The following RASSF8 variants were observed in gnomAD, a reference collection of about 807,000 sequenced individuals.
RASSF8 encodes the protein ras association domain-containing protein 8.
In RASSF8, 22 loss-of-function variants were observed where a neutral mutation model predicts 48.5. That is an observed-to-expected ratio of 0.45 (90% CI 0.32 to 0.65). The LOEUF (loss-of-function observed/expected upper bound fraction) is 0.65, where lower values mean the gene tolerates loss of function less well. Ranked by LOEUF, RASSF8 falls within the 30% of genes least tolerant of loss-of-function variation. RASSF8 has a pLI of 0.03. For synonymous variants in RASSF8, 127 were observed against 171.5 expected (o/e 0.74, Z 2.03); for missense variants, 418 against 489.2 (o/e 0.85, Z 1.37).
At chr12:26,012,505 T>C (rs1270656828) in intron 2 of RASSF8, among the ~76,000 whole-genome samples, 1 of 152,160 alleles carries the variant, frequency 6.6e-6, no homozygotes, top group African/African-American at 2.4e-5. Flanking sequence ...AGACATCATC[T>C]CCTCATCCAG....
chr12:26,033,995 C>T (rs1338432489), intron 2 of RASSF8, among the ~76,000 whole-genome samples: 1 of 152,074 alleles, frequency 6.6e-6, no homozygotes, highest in Non-Finnish European at 1.5e-5. Flanking sequence ...CTGGTGCCTT[C>T]TCCCCACCAC....
chr12:26,036,941 CTG>C (rs956680368), intron 2 of RASSF8, among the ~76,000 whole-genome samples: 58 of 151,624 alleles, frequency 3.8e-4, no homozygotes, highest in African/African-American at 1.3e-3. Flanking sequence ...AAACAAAAAA[CTG>C]TATGTGTATT....
intron 3 of RASSF8, among the ~76,000 whole-genome samples, chr12:26,058,099 T>C (rs1338223336): frequency 6.6e-6 from 1 of 152,234 alleles, no homozygotes; most frequent in Non-Finnish European, 1.5e-5. Flanking sequence ...ACATTTTAAC[T>C]AAATCTGCCC....
chr12:26,069,706 G>A lies in RASSF8; in HGVS notation c.*888G>A. On this transcript the variant is annotated 3_prime_UTR_variant, in exon 6 of 6. Transcript: ENST00000689635. ...GAAGTTATAGATACCTGAAAGCTGG[G>A]TTGGTCTACTTCAGGAACATTGCTT... 1 of 985,404 alleles carries A rather than the reference G, an allele frequency of 1.0e-6. No homozygotes were observed. The highest frequency in any genetic ancestry group is 4.7e-5 in the South Asian group (1 of 21,290). 61.0% of individuals were successfully genotyped at this position (985,404 alleles called of 1,614,324 possible). A position where few individuals can be genotyped will look rare whatever the true frequency, so the allele number is the denominator to read the frequency against.
chr12:25,962,096 G>T (rs1371930284), intron 1 of RASSF8, among the ~76,000 whole-genome samples: 1 of 151,998 alleles, frequency 6.6e-6, no homozygotes, highest in African/African-American at 2.4e-5. Context: ...AAGTTGTCAG[G>T]GCTCTCAGGA....
Position 26,051,834 on chromosome 12 carries a change from A to T in RASSF8, c.-108-3402A>T, listed in dbSNP as rs916681233. 1.1e-4 allele frequency among the ~76,000 whole-genome samples: 16 copies of T among 152,352 alleles called. No homozygotes were observed. In the South Asian group the frequency reaches 1.9e-3, roughly 18 times the overall value. ...ATTCATTAACGTTGAACCCACACCCAACAGCACTATAACTCATGCCTAAAC... is the reference window on the plus strand; with the variant it reads ...ATTCATTAACGTTGAACCCACACCCTACAGCACTATAACTCATGCCTAAAC... On this transcript the variant is annotated intron_variant, in intron 2 of 5. Transcript: ENST00000689635.
intron 1 of RASSF8, among the ~76,000 whole-genome samples, chr12:25,993,858 T>C (rs1261780319): frequency 1.3e-5 from 2 of 152,212 alleles, no homozygotes; most frequent in Non-Finnish European, 2.9e-5. Context: ...ATGTGACTGC[T>C]ACTTTCTTTT....
At chr12:25,966,108 A>C (rs560420916) in intron 1 of RASSF8, among the ~76,000 whole-genome samples, 1 of 152,308 alleles carries the variant, frequency 6.6e-6, no homozygotes, top group South Asian at 2.1e-4. Context: ...AGAAACTGCC[A>C]AACTGTTTTC....
At chr12:26,067,521 G>A in intron 4 of RASSF8, 48 bp from the exon 5 acceptor site, 1 of 1,523,676 alleles carries the variant, frequency 6.6e-7, no homozygotes, top group Non-Finnish European at 8.9e-7. Context: ...GTCTTGCACT[G>A]TCCAGTAGTG....
downstream of RASSF8, among the ~76,000 whole-genome samples, chr12:26,073,301 G>A (rs1331996987): frequency 1.4e-4 from 22 of 152,142 alleles, no homozygotes; most frequent in Admixed American, 1.4e-3. Flanking sequence ...AGACCTCAAG[G>A]CACTTTTCTG....
intron 1 of RASSF8, among the ~76,000 whole-genome samples, chr12:25,994,498 T>C (rs1309275276): frequency 6.6e-6 from 1 of 152,164 alleles, no homozygotes; most frequent in Non-Finnish European, 1.5e-5. Flanking sequence ...AGTAAAATGG[T>C]CAAAAGAAAT....
intron 5 of RASSF8, among the ~76,000 whole-genome samples, chr12:26,078,481 A>T (rs1944089958): frequency 6.6e-6 from 1 of 152,162 alleles, no homozygotes; most frequent in African/African-American, 2.4e-5. Flanking sequence ...TTCTGTTTGT[A>T]AGCAACAGAT....
chr12:25,991,320 A>G (rs1489556119), intron 1 of RASSF8, among the ~76,000 whole-genome samples: 3 of 152,204 alleles, frequency 2.0e-5, no homozygotes, highest in African/African-American at 4.8e-5. Flanking sequence ...GTTAACATCA[A>G]TAACTTCTAT....
intron 4 of RASSF8, among the ~76,000 whole-genome samples, chr12:26,066,643 A>G (rs1356413430): frequency 2.0e-5 from 3 of 152,202 alleles, no homozygotes; most frequent in Non-Finnish European, 2.9e-5. Context: ...TATCACAGTC[A>G]TTACTAGCAA....
chr12:26,019,583 GTGTGTGTGT>G, intron 2 of RASSF8, among the ~76,000 whole-genome samples: 1 of 151,058 alleles, frequency 6.6e-6, no homozygotes, highest in East Asian at 1.9e-4. Flanking sequence ...GTGTGTGTGT[GTGTGTGTGT>G]GTGTGTGTGT....
intron 1 of RASSF8, among the ~76,000 whole-genome samples, chr12:25,964,241 T>G (rs2136826282): frequency 6.6e-6 from 1 of 152,280 alleles, no homozygotes; most frequent in Admixed American, 6.5e-5. Context: ...TATTACCCAT[T>G]TATTTCACAG....
intron 2 of RASSF8, among the ~76,000 whole-genome samples, chr12:26,028,870 T>C (rs1004216106): frequency 6.6e-6 from 1 of 152,238 alleles, no homozygotes; most frequent in African/African-American, 2.4e-5. Flanking sequence ...CCAATTCTAT[T>C]GTAAAAGTAT....
At chr12:26,073,746 TATACA>T (rs1365814969), downstream of RASSF8, among the ~76,000 whole-genome samples, 7 of 46,400 alleles carry the variant, frequency 1.5e-4, no homozygotes, top group East Asian at 5.6e-4. Context: ...TCTCTCTCTC[TATACA>T]CACACACACA....
intron 1 of RASSF8, among the ~76,000 whole-genome samples, chr12:25,991,783 C>T (rs1023721053): frequency 2.6e-5 from 4 of 152,164 alleles, no homozygotes; most frequent in African/African-American, 9.7e-5. Flanking sequence ...CAGGTTATCT[C>T]TGTTCATTGT....
Sources: gnomAD v4.1 joint callset for allele counts (sites outside exome capture counted in the v4.1 genomes callset) on GRCh38, gnomAD v4.1.1 for gene constraint, MANE v1.5 for transcripts, NCBI Gene and HGNC (gene_info 2026-07-23, HGNC 2026-07-21) for gene names.